The following MARCHF2 variants were observed in gnomAD, a reference collection of about 807,000 sequenced individuals.
MARCHF2 encodes the protein E3 ubiquitin-protein ligase MARCHF2.
MARCHF2 carries 22 observed loss-of-function variants against 24.0 expected under a neutral mutation model. That is an observed-to-expected ratio of 0.92 (90% CI 0.66 to 1.31). The LOEUF is 1.31. Ranked by LOEUF, MARCHF2 falls within the 50% of genes most tolerant of loss-of-function variation. MARCHF2 has a pLI of 0.00. For missense variants in MARCHF2, 301 were observed against 335.3 expected (o/e 0.90, Z 0.80); for synonymous variants, 154 against 153.0 (o/e 1.01, Z -0.05).
At chr19:8,425,681 AT>A (rs1967379504) in intron 2 of MARCHF2, among the ~76,000 whole-genome samples, 1 of 150,888 alleles carries the variant, frequency 6.6e-6, no homozygotes, top group Non-Finnish European at 1.5e-5. Flanking sequence ...CAGTGGTGTA[AT>A]CTCGGCTCAC....
In MARCHF2 at chr19:8,430,733, C is replaced by G; in HGVS notation, c.448C>G (p.Pro150Ala). 1 of 1,611,448 alleles carries G rather than the reference C, an allele frequency of 6.2e-7. No individual in the cohort carries two copies. Among genetic ancestry groups the G allele is most frequent in the Non-Finnish European group, 8.5e-7 (1 of 1,179,992 alleles). ...CATGGTGTGTTTCCTGTTCATCACA[C>G]CGCTGGCCGCCATCTCAGGCTGGTT... is the stretch of plus-strand genomic sequence containing the variant. The part of the protein sequence containing the change: ...CDMVCFLFIT[P>A]LAAISGWLCL... Residue 150 changes from proline (P) to alanine (A), a missense_variant, in exon 4 of 5, where the codon CCG (proline) becomes GCG (alanine). Coordinates refer to ENST00000215555, the MANE Select transcript of MARCHF2 (RefSeq NM_001005415.2). This position sits in a 1 kb window ranked among gnomAD's most constrained non-coding sequence, Gnocchi z 4.4.
chr19:8,434,043 G>T (rs1967649179), intron 4 of MARCHF2, among the ~76,000 whole-genome samples: 1 of 149,674 alleles, frequency 6.7e-6, no homozygotes, highest in African/African-American at 2.5e-5. Context: ...GGGAGTCCCT[G>T]CCTCACAAAG....
At chr19:8,423,774 A>T (rs1967318088) in intron 2 of MARCHF2, 1 of 152,180 alleles carries the variant, frequency 6.6e-6, no homozygotes, top group South Asian at 2.1e-4. Flanking sequence ...CCAAGGCTGA[A>T]GGATCGCTTG....
intron 1 of MARCHF2, among the ~76,000 whole-genome samples, chr19:8,415,734 AC>A (rs764210596): frequency 0.086 from 8,643 of 100,838 alleles, 1,436 homozygotes; most frequent in Non-Finnish European, 0.12. Context: ...AAAAAAAAAA[AC>A]AAAAAAAACA....
Position 8,430,961 on chromosome 19 carries a change from C to CT in MARCHF2, c.582+95dup, listed in dbSNP as rs1440815034. On this transcript the variant is annotated intron_variant, in intron 4 of 4. Coordinates refer to ENST00000215555, the MANE Select transcript of MARCHF2 (RefSeq NM_001005415.2). This position sits in a 1 kb window ranked among gnomAD's most constrained non-coding sequence, Gnocchi z 4.4. Reference sequence around the variant, plus strand: ...GGCCCCTGGCTTGTGGGGCACGGGGCTCCCTGGCTGCCTCTGTCTATGGCC... The same window carrying CT: ...GGCCCCTGGCTTGTGGGGCACGGGGCTTCCCTGGCTGCCTCTGTCTATGGCC... 2.3e-6 allele frequency: 3 copies of CT among 1,290,792 alleles called. No homozygotes were observed. The African/African-American group carries it at 4.4e-5, about 19-fold the overall frequency. 80.0% of individuals were successfully genotyped at this position (1,290,792 alleles called of 1,614,324 possible).
At chr19:8,414,713 G>A (rs551882847) in intron 1 of MARCHF2, among the ~76,000 whole-genome samples, 2 of 152,260 alleles carry the variant, frequency 1.3e-5, no homozygotes, top group South Asian at 2.1e-4. Flanking sequence ...AGGAGCCTGG[G>A]CAGGTATGGA....
chr19:8,437,231 C>T (rs543296610), intron 4 of MARCHF2, among the ~76,000 whole-genome samples: 6 of 151,584 alleles, frequency 4.0e-5, no homozygotes, highest in South Asian at 4.2e-4. Context: ...CCCCACGCCT[C>T]GACCTCCTAA....
intron 1 of MARCHF2, among the ~76,000 whole-genome samples, chr19:8,421,282 C>T (rs374188136): frequency 2.6e-5 from 4 of 151,784 alleles, no homozygotes; most frequent in African/African-American, 9.7e-5. Flanking sequence ...GCCACCAAGC[C>T]TGGCTAATTT....
rs76600379 is a variant in MARCHF2 at position 8,438,380 on chromosome 19, C to T, written c.583-8C>T. ...GAGGCCTCCGCTCACTGCAGGGCTG[C>T]CCCACAGGTCTCCTTCCGCTACCAC... On this transcript the variant is annotated splice_region_variant and splice_polypyrimidine_tract_variant and intron_variant, in intron 4 of 4. Transcript: ENST00000215555. 3,002 of 1,613,020 alleles carry T rather than the reference C, an allele frequency of 1.9e-3. 53 individuals are homozygous for T. In the African/African-American group the frequency reaches 0.036, roughly 19 times the overall value.
chr19:8,435,439 C>A (rs547475765), intron 4 of MARCHF2, among the ~76,000 whole-genome samples: 1 of 152,238 alleles, frequency 6.6e-6, no homozygotes, highest in East Asian at 1.9e-4. Context: ...CTTGCACAGC[C>A]TCCCCCACTA....
At chr19:8,436,228 G>A (rs1967718776) in intron 4 of MARCHF2, among the ~76,000 whole-genome samples, 1 of 151,684 alleles carries the variant, frequency 6.6e-6, no homozygotes, top group Non-Finnish European at 1.5e-5. Flanking sequence ...TCCGCCTCCT[G>A]GGTTCAAGCG....
At chr19:8,436,792 GC>G (rs1804361419) in intron 4 of MARCHF2, among the ~76,000 whole-genome samples, 1 of 149,048 alleles carries the variant, frequency 6.7e-6, no homozygotes, top group South Asian at 2.1e-4. Flanking sequence ...ACAGGTTCAA[GC>G]GATTCTCTTG....
At chr19:8,428,192 G>A (rs1340312590) in intron 3 of MARCHF2, among the ~76,000 whole-genome samples, 2 of 152,032 alleles carry the variant, frequency 1.3e-5, no homozygotes, top group African/African-American at 2.4e-5. Context: ...TCCAGGAGGC[G>A]GAGCTTGCAG....
At chr19:8,433,810 G>T (rs1413284632) in intron 4 of MARCHF2, among the ~76,000 whole-genome samples, 1 of 151,398 alleles carries the variant, frequency 6.6e-6, no homozygotes, top group Non-Finnish European at 1.5e-5. Context: ...GTTACAGTGA[G>T]CCAAGATCGT....
chr19:8,437,498 C>T (rs1018049805), intron 4 of MARCHF2, among the ~76,000 whole-genome samples: 7 of 151,164 alleles, frequency 4.6e-5, no homozygotes, highest in African/African-American at 1.7e-4. Context: ...ATTACAGGCG[C>T]CCACCACCAC....
chr19:8,431,701 G>T (rs149793996), intron 4 of MARCHF2, among the ~76,000 whole-genome samples: 6,272 of 151,364 alleles, frequency 0.041, 313 homozygotes, highest in African/African-American at 0.11. Context: ...AGCTGTGCGT[G>T]GTGGTGGGTG....
At chr19:8,417,953 C>T (rs903585310) in intron 1 of MARCHF2, among the ~76,000 whole-genome samples, 2 of 146,820 alleles carry the variant, frequency 1.4e-5, no homozygotes, top group Non-Finnish European at 3.0e-5. Flanking sequence ...TTAGTAGACA[C>T]GGGGTTTCTC....
intron 1 of MARCHF2, among the ~76,000 whole-genome samples, chr19:8,421,125 G>GTTT (rs1244605480): frequency 2.1e-5 from 3 of 141,112 alleles, no homozygotes; most frequent in African/African-American, 2.6e-5. Context: ...TTTTTTTTGG[G>GTTT]TTTTTTTTTT....
chr19:8,422,158 T>A (rs1967265496), intron 2 of MARCHF2, 142 bp downstream of exon 2: 1 of 883,714 alleles, frequency 1.1e-6, no homozygotes, highest in South Asian at 2.0e-5. Flanking sequence ...CAAACAGTTA[T>A]CGCCTTGTGG....
Sources: gnomAD v4.1 joint callset for allele counts (sites outside exome capture counted in the v4.1 genomes callset) on GRCh38, gnomAD v4.1.1 for gene constraint, Gnocchi (gnomAD v3.1) non-coding constraint, MANE v1.5 for transcripts, NCBI Gene and HGNC (gene_info 2026-07-23, HGNC 2026-07-21) for gene names.